Variants in BOK observed in about 807,000 individuals in gnomAD.
BOK encodes the protein BCL2 family apoptosis regulator BOK.
BOK carries 20 observed loss-of-function variants against 18.3 expected under a neutral mutation model. The ratio of observed to expected loss-of-function variants is 1.09; its 90% CI spans 0.77 to 1.59. BOK has a LOEUF of 1.59. BOK is among the 40% of genes most tolerant of loss of function. The pLI, the probability that BOK is intolerant of heterozygous loss-of-function variation, is 0.00. For synonymous variants in BOK, 173 were observed against 142.4 expected (o/e 1.21, Z -1.53); for missense variants, 348 against 307.9 (o/e 1.13, Z -0.97).
rs542224945 is a variant in BOK, at chr2:241,569,187, C to A, written c.350-938C>A. ...GCTCTGTCGCCCAGGCTGGAGTGTA[C>A]TGGCGCGATCTCAGCTCACTGCAAC... On this transcript the variant is annotated intron_variant, in intron 3 of 4. Transcript: ENST00000318407. 5.8e-4 allele frequency among the ~76,000 whole-genome samples: 89 copies of A among 152,304 alleles called. No individual in the cohort carries two copies. In the East Asian group the frequency reaches 0.014, roughly 24 times the overall value.
chr2:241,569,495 G>A (rs564419420), intron 3 of BOK, among the ~76,000 whole-genome samples: 13 of 152,316 alleles, frequency 8.5e-5, no homozygotes, highest in Non-Finnish European at 1.8e-4. Context: ...TATTAATGAA[G>A]GTAAACATTT....
intron 4 of BOK, 96 bp from the exon 5 acceptor site, chr2:241,572,201 G>A: frequency 2.6e-6 from 4 of 1,531,572 alleles, no homozygotes; most frequent in Non-Finnish European, 3.5e-6. Flanking sequence ...ATGCAATTTT[G>A]CTGATATTCT....
Position 241,559,633 on chromosome 2 carries a change from G to A in BOK, c.150G>A (p.Trp50Ter). The A allele has an allele frequency of 1.4e-6, 2 of 1,418,734 alleles. No individual in the cohort carries two copies. Among genetic ancestry groups the A allele is most frequent in the Non-Finnish European group, 1.8e-6 (2 of 1,094,524 alleles). 87.9% of individuals were successfully genotyped at this position (1,418,734 alleles called of 1,614,324 possible). A position where few individuals can be genotyped will look rare whatever the true frequency, so the allele number is the denominator to read the frequency against. The change falls in exon 2 of 5, where the codon TGG becomes TGA. Residue 50 changes from tryptophan to a stop codon, truncating the protein, a stop_gained. Transcript: ENST00000318407. LOFTEE classifies it high-confidence loss of function. The part of the protein sequence containing the change: ...HARLLRAGLS[W>*]SAPERAAPVP... The stretch of plus-strand genomic sequence containing the variant: ...GGCTGCTGCGCGCCGGCCTCTCCTG[G>A]AGCGCGCCCGAGCGTGCCGCGCCGG...
chr2:241,552,457 G>A (rs870301), intron 1 of BOK, among the ~76,000 whole-genome samples: 47,575 of 151,942 alleles, frequency 0.31, 10,562 homozygotes, highest in African/African-American at 0.63. Context: ...TACCATCCAC[G>A]CCCCTGCACA....
In BOK at chr2:241,573,758, T is replaced by A. The variant is rs1364301562; in HGVS notation, c.*1336T>A. 1 of 152,294 alleles carries A rather than the reference T, an allele frequency of 6.6e-6. No homozygotes were observed. Among genetic ancestry groups the A allele is most frequent in the African/African-American group, 2.4e-5 (1 of 41,472 alleles). The allele number at this position is 152,294 out of a possible 1,614,324, so 9.4% of individuals were successfully genotyped here. A position where few individuals can be genotyped will look rare whatever the true frequency, so the allele number is the denominator to read the frequency against. On this transcript the variant is annotated 3_prime_UTR_variant, in exon 5 of 5. Coordinates refer to ENST00000318407, the MANE Select transcript of BOK (RefSeq NM_032515.5). ...ATACAACCATTTGGGGATGTGCCTATTAGGGCTCCGTAAGAACTCAGATGC... is the reference window on the plus strand; with the variant it reads ...ATACAACCATTTGGGGATGTGCCTAATAGGGCTCCGTAAGAACTCAGATGC...
chr2:241,572,662 C>A lies in BOK; in HGVS notation c.*240C>A. On this transcript the variant is annotated 3_prime_UTR_variant, in exon 5 of 5. Coordinates refer to ENST00000318407, the MANE Select transcript of BOK (RefSeq NM_032515.5). Reference sequence around the variant, plus strand: ...GCGACCCTCCCCGCTTGTGTCCCTTCTCCTGTGATCTCTGTGTTTTCCCTT... The same window carrying A: ...GCGACCCTCCCCGCTTGTGTCCCTTATCCTGTGATCTCTGTGTTTTCCCTT... 1 of 585,018 alleles carries A rather than the reference C, an allele frequency of 1.7e-6. No homozygotes were observed. Among genetic ancestry groups the A allele is most frequent in the Non-Finnish European group, 3.0e-6 (1 of 332,470 alleles). 36.2% of individuals were successfully genotyped at this position (585,018 alleles called of 1,614,324 possible). A position where few individuals can be genotyped will look rare whatever the true frequency, so the allele number is the denominator to read the frequency against.
Position 241,559,668 on chromosome 2 carries a change from G to C in BOK, c.185G>C (p.Arg62Pro). 1.5e-6 allele frequency: 2 copies of C among 1,377,298 alleles called. No homozygotes were observed. The highest frequency in any genetic ancestry group is 1.9e-6 in the Non-Finnish European group (2 of 1,074,372). The allele number at this position is 1,377,298 out of a possible 1,614,324, so 85.3% of individuals were successfully genotyped here. ...APERAAPVPG[R>P]LAEVCAVLLR... The stretch of plus-strand genomic sequence containing the variant: ...GAGCGTGCCGCGCCGGTCCCGGGAC[G>C]CCTGGCTGAGGTGTGCGCGGTGCTG... Residue 62 changes from arginine to proline, a missense_variant, in exon 2 of 5, where the codon CGC becomes CCC. Physicochemically the swap from Arg to Pro is moderately radical, Grantham distance 103 (BLOSUM62 -2). Coordinates refer to ENST00000318407, the MANE Select transcript of BOK (RefSeq NM_032515.5).
chr2:241,572,225 GGGGGGCCTGGCGGTGCT>G lies in BOK; in HGVS notation c.514-52_514-36del, dbSNP rs1015497085. ...TGCTGATATTCTGGTGCACGGTGCT[GGGGGGCCTGGCGGTGCT>G]GGGGGCCTGGCGGTGCTGGCTCTGC... On this transcript the variant is annotated intron_variant, in intron 4 of 4. Transcript: ENST00000318407. The G allele has an allele frequency of 1.6e-4, 248 of 1,582,476 alleles. 1 individual carries two copies. Among genetic ancestry groups the G allele is most frequent in the African/African-American group, 1.4e-3 (104 of 74,608 alleles).
In BOK at chr2:241,563,505, G is replaced by A. The variant is rs181162244; in HGVS notation, c.349+1029G>A. 1.4e-3 allele frequency among the ~76,000 whole-genome samples: 213 copies of A among 152,342 alleles called. 1 individual carries two copies. Among genetic ancestry groups the A allele is most frequent in the African/African-American group, 4.6e-3 (192 of 41,576 alleles). On this transcript the variant is annotated intron_variant, in intron 3 of 4. Transcript: ENST00000318407. ...GCTGTTTTCCAAGTGCTGTCCAGGT[G>A]CTGGGCACAGCTCTGGGCCAGTGAA... is the stretch of plus-strand genomic sequence containing the variant.
chr2:241,552,760 A>AGC (rs1196140170), intron 1 of BOK, among the ~76,000 whole-genome samples: 1 of 152,196 alleles, frequency 6.6e-6, no homozygotes, highest in Non-Finnish European at 1.5e-5. Flanking sequence ...ATAAAGGACA[A>AGC]GCGGTTCGGT....
At chr2:241,568,412 G>A (rs547850543) in intron 3 of BOK, among the ~76,000 whole-genome samples, 1 of 152,046 alleles carries the variant, frequency 6.6e-6, no homozygotes, top group South Asian at 2.1e-4. Context: ...GAGCCACCGC[G>A]CCCAGCCATT....
chr2:241,554,187 G>T (rs370960169), upstream of BOK, among the ~76,000 whole-genome samples: 2 of 152,328 alleles, frequency 1.3e-5, no homozygotes, highest in South Asian at 2.1e-4. Context: ...GTTCTGTGCC[G>T]TCAGGGGCTG....
chr2:241,560,115 T>C, intron 2 of BOK: 1 of 985,350 alleles, frequency 1.0e-6, no homozygotes. Flanking sequence ...GCCCTCTGGA[T>C]TCCGAGGCCT....
chr2:241,562,610 C>A lies in BOK; in HGVS notation c.349+134C>A, dbSNP rs1002003953. ...AGTGCCCACCGGTGCCATCTCACTGCTGCAGGTGTCAGGAGCTGCCCAGCC... is the reference window on the plus strand; with the variant it reads ...AGTGCCCACCGGTGCCATCTCACTGATGCAGGTGTCAGGAGCTGCCCAGCC... On this transcript the variant is annotated intron_variant, in intron 3 of 4. Transcript: ENST00000318407. This position sits in a 1 kb window ranked among gnomAD's most constrained non-coding sequence, Gnocchi z 4.5. The A allele has an allele frequency of 1.1e-5, 14 of 1,219,572 alleles. No individual in the cohort carries two copies. The highest frequency in any genetic ancestry group is 1.5e-5 in the Non-Finnish European group (14 of 911,782). The allele number at this position is 1,219,572 out of a possible 1,614,324, so 75.5% of individuals were successfully genotyped here.
rs1020289055 is a variant in BOK at position 241,573,638 on chromosome 2, C to T, written c.*1216C>T. The T allele has an allele frequency of 6.6e-5, 10 of 152,278 alleles. No homozygotes were observed. The highest frequency in any genetic ancestry group is 2.2e-4 in the African/African-American group (9 of 41,460). 9.4% of individuals were successfully genotyped at this position (152,278 alleles called of 1,614,324 possible). On this transcript the variant is annotated 3_prime_UTR_variant, in exon 5 of 5. Coordinates refer to ENST00000318407, the MANE Select transcript of BOK (RefSeq NM_032515.5). ...CACACCTAACCCATGGATGTGGAACCTACGGCCGAGAAGGAATGTTGCATG... is the reference window on the plus strand; with the variant it reads ...CACACCTAACCCATGGATGTGGAACTTACGGCCGAGAAGGAATGTTGCATG...
chr2:241,559,516 C>A lies in BOK; in HGVS notation c.33C>A (p.Ala11=). The change falls in exon 2 of 5, where the codon GCC becomes GCA. Residue 11 remains alanine (A), a synonymous_variant. Coordinates refer to ENST00000318407, the MANE Select transcript of BOK (RefSeq NM_032515.5). ...TGCTGCGGCGCTCCTCGGTCTTCGC[C>A]GCCGAGATCATGGACGCCTTTGACC... The part of the protein sequence containing the change: MEVLRRSSVF[A]AEIMDAFDRS... 6.6e-7 allele frequency: 1 copy of A among 1,504,388 alleles called. No individual in the cohort carries two copies. Among genetic ancestry groups the A allele is most frequent in the Non-Finnish European group, 8.8e-7 (1 of 1,134,550 alleles). 93.2% of individuals were successfully genotyped at this position (1,504,388 alleles called of 1,614,324 possible). A position where few individuals can be genotyped will look rare whatever the true frequency, so the allele number is the denominator to read the frequency against.
rs1220101165 is a variant in BOK at position 241,567,213 on chromosome 2, G to A, written c.350-2912G>A. 1.5e-5 allele frequency among the ~76,000 whole-genome samples: 2 copies of A among 129,250 alleles called. 1 individual carries two copies. The highest frequency in any genetic ancestry group is 6.2e-5 in the African/African-American group (2 of 32,236). 84.8% of individuals were successfully genotyped at this position (129,250 alleles called of 152,430 possible). On this transcript the variant is annotated intron_variant, in intron 3 of 4. Transcript: ENST00000318407. Reference sequence around the variant, plus strand: ...GAAGAGTTGTGATCTTGCAACCTCCGCCACCCGGGTTCAAGCGATTCTCCT... The same window carrying A: ...GAAGAGTTGTGATCTTGCAACCTCCACCACCCGGGTTCAAGCGATTCTCCT...
At position 241,573,545 on chromosome 2, in the gene BOK, G is replaced by C. The variant is rs2066756607; in HGVS notation, c.*1123G>C. On this transcript the variant is annotated 3_prime_UTR_variant, in exon 5 of 5. Coordinates refer to ENST00000318407, the MANE Select transcript of BOK (RefSeq NM_032515.5). ...GTTGCTTAATCCGTTTCTGGAGGAA[G>C]AGTATGACACCCACTTGTGATGGGG... 1 of 152,444 alleles carries C rather than the reference G, an allele frequency of 6.6e-6. No homozygotes were observed. Among genetic ancestry groups the C allele is most frequent in the South Asian group, 2.1e-4 (1 of 4,836 alleles). 9.4% of individuals were successfully genotyped at this position (152,444 alleles called of 1,614,324 possible). A position where few individuals can be genotyped will look rare whatever the true frequency, so the allele number is the denominator to read the frequency against.
In BOK at chr2:241,572,569, C is replaced by G. The variant is rs1282564201; in HGVS notation, c.*147C>G. ...CCTAAGCCCCGTTCCTCCGCAGACCCAGGCCCTCCGGAAGGGGTGAGTGGG... is the reference window on the plus strand; with the variant it reads ...CCTAAGCCCCGTTCCTCCGCAGACCGAGGCCCTCCGGAAGGGGTGAGTGGG... On this transcript the variant is annotated 3_prime_UTR_variant, in exon 5 of 5. Coordinates refer to ENST00000318407, the MANE Select transcript of BOK (RefSeq NM_032515.5). 6 of 1,286,792 alleles carry G rather than the reference C, an allele frequency of 4.7e-6. No individual in the cohort carries two copies. The highest frequency in any genetic ancestry group is 2.9e-5 in the South Asian group (2 of 68,236). 79.7% of individuals were successfully genotyped at this position (1,286,792 alleles called of 1,614,324 possible). A position where few individuals can be genotyped will look rare whatever the true frequency, so the allele number is the denominator to read the frequency against.
Sources: allele counts gnomAD v4.1 joint callset (sites outside exome capture counted in the v4.1 genomes callset), GRCh38; gene constraint gnomAD v4.1.1; non-coding constraint Gnocchi (gnomAD v3.1); transcripts MANE v1.5; gene names NCBI Gene and HGNC (gene_info 2026-07-23, HGNC 2026-07-21).